Variants in NSD3 observed in about 807,000 individuals in gnomAD.
The protein encoded by NSD3 is nuclear receptor binding SET domain protein 3, also known as histone-lysine N-methyltransferase NSD3.
Under a neutral mutation model 160.8 loss-of-function variants are expected in NSD3, and 24 were observed. That is an observed-to-expected ratio of 0.15 (90% confidence interval 0.11 to 0.21). NSD3 has a LOEUF of 0.21. NSD3 is among the 10% of genes least tolerant of loss of function. NSD3 has a pLI of 1.00. For missense variants in NSD3, 1,157 were observed against 1,735.9 expected (o/e 0.67, Z 5.93); for synonymous variants, 520 against 600.0 (o/e 0.87, Z 1.95).
chr8:38,373,408 T>C (rs1811306412), intron 1 of NSD3, among the ~76,000 whole-genome samples: 1 of 152,114 alleles, frequency 6.6e-6, no homozygotes, highest in Non-Finnish European at 1.5e-5. Flanking sequence ...CACTTCCTAA[T>C]TATTTGTTTA....
chr8:38,310,529 G>T (rs118145554), intron 12 of NSD3, among the ~76,000 whole-genome samples: 1 of 151,072 alleles, frequency 6.6e-6, no homozygotes, highest in Non-Finnish European at 1.5e-5. Context: ...TTTTTTGAGA[G>T]AGAGTCTCAC....
chr8:38,347,540 C>A lies in NSD3; in HGVS notation c.632G>T (p.Arg211Leu), dbSNP rs142206759. Reference sequence around the variant, plus strand: ...TAATTTGGGGATTTTGTGTGACTTGCGCTCTTCAGATCTTGATGAGTCATG... The same window carrying A: ...TAATTTGGGGATTTTGTGTGACTTGAGCTCTTCAGATCTTGATGAGTCATG... The part of the protein sequence containing the change: ...NKHDSSRSEE[R>L]KSHKIPKLEP... The change falls in exon 2 of 24, where the codon CGC becomes CTC. Residue 211 changes from arginine (R) to leucine (L), a missense_variant. Coordinates refer to ENST00000317025, the MANE Select transcript of NSD3 (RefSeq NM_023034.2). The A allele has an allele frequency of 1.9e-6, 3 of 1,604,700 alleles. No homozygotes were observed. Among genetic ancestry groups the A allele is most frequent in the South Asian group, 2.3e-5 (2 of 88,656 alleles).
chr8:38,283,196 G>C (rs538608372), intron 19 of NSD3, among the ~76,000 whole-genome samples: 185 of 152,236 alleles, frequency 1.2e-3, no homozygotes, highest in African/African-American at 4.2e-3. Flanking sequence ...TAAAATAAGA[G>C]CAAATATTGT....
intron 19 of NSD3, 58 bp from the exon 20 acceptor site, chr8:38,281,641 T>A: frequency 8.6e-7 from 1 of 1,162,888 alleles, no homozygotes; most frequent in Non-Finnish European, 1.2e-6. Flanking sequence ...AAGCATTGCT[T>A]AATGACACAT....
chr8:38,331,357 G>A (rs1810057530), intron 5 of NSD3, 74 bp downstream of exon 5: 1 of 1,398,092 alleles, frequency 7.2e-7, no homozygotes, highest in Non-Finnish European at 9.4e-7. Context: ...CTGAATTCAA[G>A]TATGAAAAAT....
intron 1 of NSD3, among the ~76,000 whole-genome samples, chr8:38,368,561 C>G (rs1422559228): frequency 1.3e-5 from 2 of 152,170 alleles, no homozygotes; most frequent in Non-Finnish European, 2.9e-5. Flanking sequence ...GACTATGATT[C>G]CATTAAGTTA....
At position 38,331,591 on chromosome 8, in the gene NSD3, A is replaced by T. The variant is rs1420541229; in HGVS notation, c.911-6T>A. On this transcript the variant is annotated splice_region_variant and splice_polypyrimidine_tract_variant and intron_variant, in intron 4 of 23. Transcript: ENST00000317025. ...GACATGATATTCTCGGGCACCTGTA[A>T]GTAAAAATTCTTATTAACCATTTCA... The T allele has an allele frequency of 6.2e-7, 1 of 1,608,814 alleles. No homozygotes were observed. Among genetic ancestry groups the T allele is most frequent in the Non-Finnish European group, 8.5e-7 (1 of 1,178,614 alleles).
At chr8:38,293,749 C>A (rs1477353712) in intron 16 of NSD3, among the ~76,000 whole-genome samples, 7 of 150,742 alleles carry the variant, frequency 4.6e-5, no homozygotes, top group African/African-American at 1.7e-4. Flanking sequence ...ACAGTGAAAC[C>A]CCGTCTGTAC....
intron 19 of NSD3, among the ~76,000 whole-genome samples, chr8:38,284,684 G>T (rs997033695): frequency 2.4e-4 from 37 of 152,294 alleles, no homozygotes; most frequent in African/African-American, 7.9e-4. Context: ...ACTGTGCCCG[G>T]CCTAGGGCAA....
chr8:38,343,681 C>A (rs911878416), intron 2 of NSD3, among the ~76,000 whole-genome samples: 1 of 152,122 alleles, frequency 6.6e-6, no homozygotes, highest in African/African-American at 2.4e-5. Flanking sequence ...CCACCCTGGG[C>A]AACAGAGTGA....
Position 38,288,697 on chromosome 8 carries a change from G to A in NSD3, c.3291C>T (p.Arg1097=), listed in dbSNP as rs1303179145. 5 of 1,614,214 alleles carry A rather than the reference G, an allele frequency of 3.1e-6. No individual in the cohort carries two copies. Among genetic ancestry groups the A allele is most frequent in the Non-Finnish European group, 4.2e-6 (5 of 1,180,048 alleles). ...TTTCATCAGCTGGCTTGCAGTTACA[G>A]CGGGGAATCTCTGACAGGTCAGCAA... ...IQVADLSEIP[R]CNCKPADENP... Residue 1097 remains arginine, a synonymous_variant, in exon 19 of 24, where the codon CGC becomes CGT. Coordinates refer to ENST00000317025, the MANE Select transcript of NSD3 (RefSeq NM_023034.2). This position sits in a 1 kb window ranked among gnomAD's most constrained non-coding sequence, Gnocchi z 4.5.
At chr8:38,344,300 C>T (rs530975814) in intron 2 of NSD3, among the ~76,000 whole-genome samples, 2 of 152,250 alleles carry the variant, frequency 1.3e-5, no homozygotes, top group Admixed American at 1.3e-4. Flanking sequence ...CAGACAGAGT[C>T]TCATTCTGTC....
intron 1 of NSD3, among the ~76,000 whole-genome samples, chr8:38,367,471 G>A (rs1373081614): frequency 6.6e-6 from 1 of 152,098 alleles, no homozygotes; most frequent in African/African-American, 2.4e-5. Context: ...CAGCACTTTG[G>A]GAGGCCGAGG....
intron 19 of NSD3, among the ~76,000 whole-genome samples, chr8:38,283,532 T>G (rs574139287): frequency 6.6e-6 from 1 of 151,692 alleles, no homozygotes; most frequent in Non-Finnish European, 1.5e-5. Flanking sequence ...TGGAAAATCA[T>G]TAGGAACATA....
intron 12 of NSD3, among the ~76,000 whole-genome samples, chr8:38,309,467 C>CAATA (rs887639898): frequency 2.6e-5 from 4 of 151,880 alleles, no homozygotes; most frequent in Non-Finnish European, 5.9e-5. Flanking sequence ...AAATCTGTCT[C>CAATA]AATAAATAAA....
At chr8:38,378,658 C>CA (rs766735125) in intron 1 of NSD3, among the ~76,000 whole-genome samples, 2 of 151,060 alleles carry the variant, frequency 1.3e-5, no homozygotes, top group Non-Finnish European at 3.0e-5. Flanking sequence ...AAAACAAAAA[C>CA]AAAAAAACAC....
intron 1 of NSD3, among the ~76,000 whole-genome samples, chr8:38,369,469 C>G (rs1160535875): frequency 6.6e-6 from 1 of 152,198 alleles, no homozygotes; most frequent in Non-Finnish European, 1.5e-5. Context: ...TGATGTTCAA[C>G]TTTTAACTTC....
chr8:38,326,148 A>G (rs1809907016), intron 7 of NSD3, among the ~76,000 whole-genome samples: 1 of 145,166 alleles, frequency 6.9e-6, no homozygotes, highest in East Asian at 2.0e-4. Flanking sequence ...ACTCTGTCTC[A>G]AAAAAAAAAA....
At position 38,275,836 on chromosome 8, in the gene NSD3, T is replaced by C. The variant is rs777081917; in HGVS notation, c.4119A>G (p.Ala1373=). 4 of 1,614,188 alleles carry C rather than the reference T, an allele frequency of 2.5e-6. No individual in the cohort carries two copies. Among genetic ancestry groups the C allele is most frequent in the Middle Eastern group, 1.7e-4 (1 of 6,060 alleles). ...PWHQCDECSS[A]AVSFCEFCPH... is the part of the protein sequence containing the mutation. ...GACAGAATTCACAGAAGGAAACAGC[T>C]GCACTGCTGCACTCATCGCACTGAT... Residue 1373 remains alanine (A), a synonymous_variant, in exon 24 of 24, where the codon GCA becomes GCG. Transcript: ENST00000317025.
Sources: allele counts gnomAD v4.1 joint callset (sites outside exome capture counted in the v4.1 genomes callset), GRCh38; gene constraint gnomAD v4.1.1; non-coding constraint Gnocchi (gnomAD v3.1); transcripts MANE v1.5; gene names NCBI Gene and HGNC (gene_info 2026-07-23, HGNC 2026-07-21).